The following LRP1B variants were observed in gnomAD, a reference collection of about 807,000 sequenced individuals.
The protein encoded by LRP1B is low-density lipoprotein receptor-related protein 1B.
LRP1B carries 217 observed loss-of-function variants against 556.6 expected under a neutral mutation model. The ratio of observed to expected loss-of-function variants is 0.39; its 90% CI spans 0.35 to 0.44. The LOEUF (loss-of-function observed/expected upper bound fraction) is 0.44. Ranked by LOEUF, LRP1B falls within the 20% of genes least tolerant of loss-of-function variation. LRP1B has a pLI of 1.00. For missense variants in LRP1B, 5,053 were observed against 5,620.8 expected, an observed-to-expected ratio of 0.90 and a Z score of 3.23; for synonymous variants, 2,047 against 1,865.8, an observed-to-expected ratio of 1.10 and a Z score of -2.50.
chr2:141,106,853 G>A (rs889333581), intron 7 of LRP1B, among the ~76,000 whole-genome samples: 2 of 152,078 alleles, frequency 1.3e-5, no homozygotes, highest in African/African-American at 2.4e-5. Context: ...AACCACTTTC[G>A]ATGCCAGGGC....
intron 3 of LRP1B, among the ~76,000 whole-genome samples, chr2:141,337,158 A>G (rs1249958256): frequency 6.6e-6 from 1 of 152,176 alleles, no homozygotes; most frequent in African/African-American, 2.4e-5. Flanking sequence ...CATTCCTACC[A>G]ACAAAAGATG....
intron 3 of LRP1B, among the ~76,000 whole-genome samples, chr2:141,356,905 G>C (rs1359056789): frequency 3.3e-5 from 5 of 152,004 alleles, no homozygotes; most frequent in African/African-American, 9.7e-5. Context: ...CAACTGTAGA[G>C]GTTAAAACGC....
chr2:140,279,063 C>T (rs575160368), intron 84 of LRP1B, among the ~76,000 whole-genome samples: 93 of 152,046 alleles, frequency 6.1e-4, no homozygotes, highest in African/African-American at 2.2e-3. Flanking sequence ...GTCTTTGTCC[C>T]TTTCTCTTGC....
chr2:140,683,338 A>T lies in LRP1B; in HGVS notation c.6799+16912T>A, dbSNP rs552107437. 1.3e-5 allele frequency: 6 copies of T among 462,720 alleles called. No homozygotes were observed. In the East Asian group the frequency reaches 3.2e-4, roughly 25 times the overall value. The allele number at this position is 462,720 out of a possible 1,614,324, so 28.7% of individuals were successfully genotyped here. On this transcript the variant is annotated intron_variant, in intron 41 of 90. Coordinates refer to ENST00000389484, the MANE Select transcript of LRP1B (RefSeq NM_018557.3). ...TTGACCTGGAGGCCCAACCACCTAC[A>T]AGGCAGAAAACTCCACACACAATCT...
chr2:141,799,988 C>G (rs1695955330), intron 2 of LRP1B, among the ~76,000 whole-genome samples: 1 of 151,970 alleles, frequency 6.6e-6, no homozygotes, highest in Admixed American at 6.6e-5. Flanking sequence ...ATGATCATAT[C>G]CTTTCTAATT....
intron 2 of LRP1B, among the ~76,000 whole-genome samples, chr2:141,776,650 G>A (rs926910348): frequency 3.9e-5 from 6 of 152,022 alleles, no homozygotes; most frequent in African/African-American, 1.4e-4. Context: ...TTGAACTTTG[G>A]GCATCAGGAT....
intron 7 of LRP1B, among the ~76,000 whole-genome samples, chr2:141,070,164 T>C (rs1473981275): frequency 1.3e-5 from 2 of 151,920 alleles, no homozygotes; most frequent in Admixed American, 6.6e-5. Flanking sequence ...TAGTATTCCA[T>C]GGTGTATATG....
At chr2:142,058,254 C>T (rs1212898096) in intron 1 of LRP1B, among the ~76,000 whole-genome samples, 1 of 152,098 alleles carries the variant, frequency 6.6e-6, no homozygotes, top group Non-Finnish European at 1.5e-5. Flanking sequence ...ATGTGTCCTG[C>T]TGGGATTTGC....
At position 141,095,957 on chromosome 2, in the gene LRP1B, A is replaced by C. The variant is rs1574068743; in HGVS notation, c.1014-33684T>G. On this transcript the variant is annotated intron_variant, in intron 7 of 90. Transcript: ENST00000389484. ...AACAATTGTATCTTTTACATTCCCC[A>C]AACTATTCTACTATACCGTATTCTC... is the stretch of plus-strand genomic sequence containing the variant. 2.6e-5 allele frequency among the ~76,000 whole-genome samples: 4 copies of C among 152,258 alleles called. No homozygotes were observed. The South Asian group carries it at 8.3e-4, about 32-fold the overall frequency.
chr2:141,059,562 G>T (rs1028546148), intron 8 of LRP1B, among the ~76,000 whole-genome samples: 3 of 151,640 alleles, frequency 2.0e-5, no homozygotes, highest in African/African-American at 7.3e-5. Context: ...ACTACCACTT[G>T]CTCCAGCACA....
At chr2:141,895,698 G>C (rs1024607067) in intron 1 of LRP1B, among the ~76,000 whole-genome samples, 11 of 152,130 alleles carry the variant, frequency 7.2e-5, no homozygotes, top group African/African-American at 2.4e-4. Context: ...TACAAACAAT[G>C]ATTTATGCTA....
intron 3 of LRP1B, among the ~76,000 whole-genome samples, chr2:141,307,441 G>T (rs551093416): frequency 4.6e-5 from 7 of 151,608 alleles, no homozygotes; most frequent in Admixed American, 6.6e-5. Context: ...CTTGGTTTTG[G>T]TTTCTATTTA....
intron 7 of LRP1B, among the ~76,000 whole-genome samples, chr2:141,161,317 GACATGACAC>G (rs2105112210): frequency 6.6e-6 from 1 of 152,138 alleles, no homozygotes; most frequent in African/African-American, 2.4e-5. Flanking sequence ...TTTCTGGGAA[GACATGACAC>G]ACAAACAAAA....
At chr2:140,617,776 T>C (rs1356633871) in intron 41 of LRP1B, among the ~76,000 whole-genome samples, 3 of 152,018 alleles carry the variant, frequency 2.0e-5, no homozygotes, top group African/African-American at 7.2e-5. Flanking sequence ...TTTTGAGAAA[T>C]CTACATTTAA....
intron 52 of LRP1B, among the ~76,000 whole-genome samples, chr2:140,507,658 C>A (rs754139229): frequency 6.6e-6 from 1 of 152,070 alleles, no homozygotes; most frequent in Non-Finnish European, 1.5e-5. Context: ...AAAATTAATA[C>A]CATACGCATA....
intron 31 of LRP1B, among the ~76,000 whole-genome samples, chr2:140,836,134 T>C (rs1691894402): frequency 6.6e-6 from 1 of 152,200 alleles, no homozygotes; most frequent in Admixed American, 6.5e-5. Flanking sequence ...ATATTATGAT[T>C]TAATGTACTT....
At chr2:140,661,586 G>C (rs1685096284) in intron 41 of LRP1B, among the ~76,000 whole-genome samples, 1 of 151,466 alleles carries the variant, frequency 6.6e-6, no homozygotes, top group African/African-American at 2.4e-5. Context: ...AGAATCACTT[G>C]AGCCTGGGCA....
At chr2:141,861,255 C>A (rs1199010956) in intron 1 of LRP1B, among the ~76,000 whole-genome samples, 1 of 152,150 alleles carries the variant, frequency 6.6e-6, no homozygotes, top group Admixed American at 6.5e-5. Context: ...TCCTCTCTTC[C>A]TAAATCCTCA....
intron 6 of LRP1B, among the ~76,000 whole-genome samples, chr2:141,212,271 T>TTTA (rs1682593668): frequency 1.4e-5 from 1 of 70,358 alleles, no homozygotes; most frequent in Non-Finnish European, 2.9e-5. Context: ...TTTTTTTTTT[T>TTTA]TTTTTTTTTT....
Sources: gnomAD v4.1 joint callset for allele counts (sites outside exome capture counted in the v4.1 genomes callset) on GRCh38, gnomAD v4.1.1 for gene constraint, MANE v1.5 for transcripts, NCBI Gene and HGNC (gene_info 2026-07-23, HGNC 2026-07-21) for gene names.